Variants in MTMR1 observed in about 807,000 individuals in gnomAD.
MTMR1 encodes the protein phosphatidylinositol-3-phosphate phosphatase MTMR1.
MTMR1 carries 17 observed loss-of-function variants against 51.6 expected under a neutral mutation model. That is an observed-to-expected ratio of 0.33 (90% CI 0.23 to 0.49). The LOEUF is 0.49. MTMR1 is among the 20% of genes least tolerant of loss of function. The pLI, the probability that MTMR1 is intolerant of heterozygous loss-of-function variation, is 0.99. For missense variants in MTMR1, 386 were observed against 526.9 expected (o/e 0.73, Z 2.62); for synonymous variants, 201 against 205.6 (o/e 0.98, Z 0.19).
chrX:150,709,144 G>C lies in MTMR1; in HGVS notation c.253-3198G>C, dbSNP rs782389075. Among the ~76,000 whole-genome samples, 8 of 112,314 alleles carry C rather than the reference G, an allele frequency of 7.1e-5. No homozygotes were observed. In the South Asian group the frequency reaches 3.0e-3, roughly 42 times the overall value. On this transcript the variant is annotated intron_variant, in intron 2 of 15. Transcript: ENST00000445323. Reference sequence around the variant, plus strand: ...TTAGGAAGCTCTGTATCATCAGCAAGAGCTGGCTTCCAGGCCTCCTGGCTT... The same window carrying C: ...TTAGGAAGCTCTGTATCATCAGCAACAGCTGGCTTCCAGGCCTCCTGGCTT...
At chrX:150,723,722 C>T (rs141763516) in intron 4 of MTMR1, among the ~76,000 whole-genome samples, 1,739 of 111,864 alleles carry the variant, frequency 0.016, 29 homozygotes, top group African/African-American at 0.053. Context: ...GATCCTCTCC[C>T]TCCTCCCAAC....
rs2041632687 is a variant in MTMR1 at position 150,718,583 on chromosome X, CCTTTTTTTTTTTTTTTTTTTTTTTT to C, written c.277-41_277-17del. 10 of 351,407 alleles carry C rather than the reference CCTTTTTTTTTTTTTTTTTTTTTTTT, an allele frequency of 2.8e-5. No homozygotes were observed. The highest frequency in any genetic ancestry group is 1.7e-4 in the Admixed American group (1 of 5,823). The allele number at this position is 351,407 out of a possible 1,213,427, so 29.0% of individuals were successfully genotyped here. A position where few individuals can be genotyped will look rare whatever the true frequency, so the allele number is the denominator to read the frequency against. ...AGTGAGATTTACTCCCGTTTGGTGT[CCTTTTTTTTTTTTTTTTTTTTTTTT>C]TTTTTTTTTTTGCCAGGCTCTAAGG... On this transcript the variant is annotated splice_polypyrimidine_tract_variant and intron_variant, in intron 3 of 15. Transcript: ENST00000445323.
intron 1 of MTMR1, among the ~76,000 whole-genome samples, chrX:150,696,373 A>T (rs2040677512): frequency 1.8e-5 from 2 of 111,231 alleles, no homozygotes; most frequent in Non-Finnish European, 3.8e-5. Context: ...TGTCCCTGGG[A>T]CTATGGGGCC....
intron 5 of MTMR1, 36 bp from the exon 6 acceptor site, chrX:150,727,648 A>G (rs1557416822): frequency 9.8e-7 from 1 of 1,019,324 alleles, no homozygotes; most frequent in Non-Finnish European, 1.4e-6. Flanking sequence ...CTGTTGACTG[A>G]CACTAATAGG....
intron 12 of MTMR1, among the ~76,000 whole-genome samples, chrX:150,743,567 A>T (rs1388120937): frequency 8.9e-6 from 1 of 111,805 alleles, no homozygotes; most frequent in Non-Finnish European, 1.9e-5. Context: ...TGGCAATTTC[A>T]TAGAGTATTT....
intron 2 of MTMR1, among the ~76,000 whole-genome samples, chrX:150,705,732 C>T (rs1437406216): frequency 1.8e-5 from 2 of 111,456 alleles, no homozygotes; most frequent in African/African-American, 6.5e-5. Flanking sequence ...AGAAAGGAAG[C>T]AATAAAAGGA....
At chrX:150,745,125 C>T (rs782157417) in intron 13 of MTMR1, among the ~76,000 whole-genome samples, 1 of 112,318 alleles carries the variant, frequency 8.9e-6, no homozygotes, top group African/African-American at 3.2e-5. Context: ...TTGTTTTCCC[C>T]CTCATCTCCA....
rs1220748408 is a variant in MTMR1, at chrX:150,763,596, A to AC, written c.*872dup. On this transcript the variant is annotated 3_prime_UTR_variant, in exon 16 of 16. Coordinates refer to ENST00000445323, the MANE Select transcript of MTMR1 (RefSeq NM_001306144.3). ...CCTGGGCTGTCTAGCCATGTCTCCC[A>AC]CCCCCACTTTACCGCAGCCAGCTGC... The AC allele has an allele frequency of 9.0e-6, 1 of 111,693 alleles. No homozygotes were observed. The highest frequency in any genetic ancestry group is 1.9e-5 in the Non-Finnish European group (1 of 53,063). 9.2% of individuals were successfully genotyped at this position (111,693 alleles called of 1,213,427 possible). A position where few individuals can be genotyped will look rare whatever the true frequency, so the allele number is the denominator to read the frequency against.
chrX:150,706,970 A>G (rs2041129557), intron 2 of MTMR1, among the ~76,000 whole-genome samples: 1 of 110,228 alleles, frequency 9.1e-6, no homozygotes, highest in Admixed American at 9.7e-5. Flanking sequence ...TTTTTTTTCC[A>G]CCAAGACATG....
At chrX:150,710,767 C>G (rs2041279974) in intron 2 of MTMR1, among the ~76,000 whole-genome samples, 1 of 112,497 alleles carries the variant, frequency 8.9e-6, no homozygotes, top group Non-Finnish European at 1.9e-5. Context: ...TATGATGCAG[C>G]AGCTGCTGAA....
chrX:150,762,009 C>A (rs1347843001), intron 15 of MTMR1, among the ~76,000 whole-genome samples: 1 of 112,683 alleles, frequency 8.9e-6, no homozygotes, highest in Non-Finnish European at 1.9e-5. Flanking sequence ...AGGCTCCCCA[C>A]CCCCCTGCCG....
chrX:150,752,624 G>GTTTTTTTTT (rs782406235), intron 14 of MTMR1, among the ~76,000 whole-genome samples: 2 of 57,471 alleles, frequency 3.5e-5, no homozygotes, highest in Non-Finnish European at 6.1e-5. Context: ...GCTTTATCTT[G>GTTTTTTTTT]TTTTTTTTTT....
upstream of MTMR1, chrX:150,693,352 AC>A: frequency 7.3e-6 from 4 of 547,568 alleles, no homozygotes; most frequent in Non-Finnish European, 8.8e-6. Context: ...CCGCCCCCCG[AC>A]CCCCGCGCGC....
chrX:150,757,088 C>T (rs2042924541), intron 15 of MTMR1, among the ~76,000 whole-genome samples: 2 of 112,745 alleles, frequency 1.8e-5, no homozygotes, highest in Admixed American at 1.9e-4. Flanking sequence ...TCCTCCTGCT[C>T]CCTCATCCCT....
At chrX:150,693,810 T>A in intron 1 of MTMR1, 134 bp downstream of exon 1, 1 of 339,630 alleles carries the variant, frequency 2.9e-6, no homozygotes, top group Non-Finnish European at 3.7e-6. Flanking sequence ...CTTCATCCCC[T>A]CTGGGCCCTC....
chrX:150,736,724 G>A lies in MTMR1; in HGVS notation c.1210G>A (p.Asp404Asn), dbSNP rs990248555. The A allele has an allele frequency of 9.9e-6, 12 of 1,209,589 alleles. No individual in the cohort carries two copies. Among genetic ancestry groups the A allele is most frequent in the Middle Eastern group, 4.6e-4 (2 of 4,367 alleles). Residue 404 changes from aspartate (D) to asparagine (N), a missense_variant, in exon 11 of 16, where the codon GAT becomes AAT. By Grantham distance (23) the Asp-to-Asn change is conservative. Coordinates refer to ENST00000445323, the MANE Select transcript of MTMR1 (RefSeq NM_001306144.3). Reference sequence around the variant, plus strand: ...AAAAGAGATTGTGTACCCTTCGATCGATGAGGCGCGGTGGCTCTCCAATGT... The same window carrying A: ...AAAAGAGATTGTGTACCCTTCGATCAATGAGGCGCGGTGGCTCTCCAATGT... ...KLKEIVYPSIDEARWLSNVDG... is the reference protein window; with the variant it reads ...KLKEIVYPSINEARWLSNVDG...
chrX:150,758,904 C>T (rs781961298), intron 15 of MTMR1, among the ~76,000 whole-genome samples: 1 of 112,359 alleles, frequency 8.9e-6, no homozygotes, highest in African/African-American at 3.2e-5. Flanking sequence ...CTAATAACTG[C>T]TTGTCACTAG....
chrX:150,706,370 G>C (rs2041103630), intron 2 of MTMR1, among the ~76,000 whole-genome samples: 1 of 112,082 alleles, frequency 8.9e-6, no homozygotes, highest in South Asian at 3.7e-4. Context: ...CAGAGGTTCT[G>C]ATTTCTTGAT....
chrX:150,716,453 C>A (rs1209155931), intron 3 of MTMR1, among the ~76,000 whole-genome samples: 1 of 112,696 alleles, frequency 8.9e-6, no homozygotes, highest in Admixed American at 9.4e-5. Flanking sequence ...AAAAATGAAT[C>A]CATTAATCGT....
Sources: allele counts gnomAD v4.1 joint callset (sites outside exome capture counted in the v4.1 genomes callset), GRCh38; gene constraint gnomAD v4.1.1; transcripts MANE v1.5; gene names NCBI Gene and HGNC (gene_info 2026-07-23, HGNC 2026-07-21).